Variants in SETD3 observed in about 807,000 individuals in gnomAD.
SETD3 encodes SET domain containing 3, actin N3(tau)-histidine methyltransferase, also known as actin-histidine N-methyltransferase.
SETD3 carries 19 observed loss-of-function variants against 63.0 expected under a neutral mutation model. That is an observed-to-expected ratio of 0.30 (90% confidence interval 0.21 to 0.44). SETD3 has a LOEUF of 0.44. SETD3 is among the 20% of genes least tolerant of loss of function. The pLI, the probability that SETD3 is intolerant of heterozygous loss-of-function variation, is 1.00. For synonymous variants in SETD3, 286 were observed against 264.1 expected, an observed-to-expected ratio of 1.08 and a Z score of -0.80; for missense variants, 587 against 728.5, an observed-to-expected ratio of 0.81 and a Z score of 2.24.
intron 10 of SETD3, 119 bp downstream of exon 10, chr14:99,405,086 A>C: frequency 7.2e-7 from 1 of 1,382,258 alleles, no homozygotes; most frequent in South Asian, 1.6e-5. Context: ...TGCCACGGGG[A>C]TAAACGGATT....
intron 6 of SETD3, among the ~76,000 whole-genome samples, chr14:99,435,626 C>G (rs1893435757): frequency 6.6e-6 from 1 of 152,168 alleles, no homozygotes; most frequent in Admixed American, 6.5e-5. Flanking sequence ...ACAGGAAGCT[C>G]TATTTGTAAA....
chr14:99,438,841 T>C (rs973912440), intron 6 of SETD3, among the ~76,000 whole-genome samples: 2 of 152,252 alleles, frequency 1.3e-5, no homozygotes, highest in African/African-American at 4.8e-5. Flanking sequence ...CAGGCCTTTC[T>C]GTTTCATCTT....
intron 1 of SETD3, among the ~76,000 whole-genome samples, chr14:99,467,196 C>T (rs1025218832): frequency 6.6e-6 from 1 of 152,126 alleles, no homozygotes; most frequent in African/African-American, 2.4e-5. Context: ...TATAATAAGT[C>T]TTCTAAAAAT....
chr14:99,422,894 C>T lies in SETD3; in HGVS notation c.676-8960G>A, dbSNP rs574718448. Among the ~76,000 whole-genome samples, 3 of 152,300 alleles carry T rather than the reference C, an allele frequency of 2.0e-5. No individual in the cohort carries two copies. In the East Asian group the frequency reaches 5.8e-4, roughly 29 times the overall value. On this transcript the variant is annotated intron_variant, in intron 6 of 12. Coordinates refer to ENST00000331768, the MANE Select transcript of SETD3 (RefSeq NM_032233.3). ...CAGTGTGCGGCTCTGTGGAGCCCCGCGGCCCCCAAGGCGCCTGGGGACAGA... is the reference window on the plus strand; with the variant it reads ...CAGTGTGCGGCTCTGTGGAGCCCCGTGGCCCCCAAGGCGCCTGGGGACAGA...
intron 1 of SETD3, among the ~76,000 whole-genome samples, chr14:99,475,455 C>A (rs1166898647): frequency 6.6e-6 from 1 of 152,260 alleles, no homozygotes; most frequent in African/African-American, 2.4e-5. Context: ...CTTTAGGCGG[C>A]CAGCAGAGCT....
At chr14:99,441,818 G>A (rs886461540) in intron 6 of SETD3, among the ~76,000 whole-genome samples, 1 of 152,208 alleles carries the variant, frequency 6.6e-6, no homozygotes, top group Non-Finnish European at 1.5e-5. Context: ...AGTCAGTGGG[G>A]AGACATGGAC....
At chr14:99,480,014 C>T (rs1408231323) in intron 1 of SETD3, among the ~76,000 whole-genome samples, 2 of 152,072 alleles carry the variant, frequency 1.3e-5, no homozygotes, top group African/African-American at 4.8e-5. Context: ...AGAGTTAACG[C>T]CGGAATGACA....
At chr14:99,400,946 C>T (rs1230649133) in intron 11 of SETD3, among the ~76,000 whole-genome samples, 1 of 152,098 alleles carries the variant, frequency 6.6e-6, no homozygotes, top group Non-Finnish European at 1.5e-5. Flanking sequence ...TTGAGACCAA[C>T]CTGGGCAATG....
rs1029695589 is a variant in SETD3 at position 99,415,020 on chromosome 14, G to A, written c.676-1086C>T. ...GGATGAGGTAAAAGTAGCTAAAACC[G>A]TAAATCAATTAGAAAACAAAAGCTT... On this transcript the variant is annotated intron_variant, in intron 6 of 12. Coordinates refer to ENST00000331768, the MANE Select transcript of SETD3 (RefSeq NM_032233.3). Among the ~76,000 whole-genome samples the A allele has an allele frequency of 5.3e-5, 8 of 152,152 alleles. 1 individual carries two copies. Among genetic ancestry groups the A allele is most frequent in the Admixed American group, 2.6e-4 (4 of 15,278 alleles).
At chr14:99,439,296 C>G (rs1893658883) in intron 6 of SETD3, among the ~76,000 whole-genome samples, 1 of 152,236 alleles carries the variant, frequency 6.6e-6, no homozygotes, top group Admixed American at 6.5e-5. Flanking sequence ...CAGACTGCTG[C>G]TGACCTATTT....
chr14:99,428,105 C>A (rs1892982053), intron 6 of SETD3, among the ~76,000 whole-genome samples: 1 of 152,216 alleles, frequency 6.6e-6, no homozygotes, highest in Non-Finnish European at 1.5e-5. Context: ...TGAGGCCCTG[C>A]AGAGGGTGGC....
In SETD3 at chr14:99,406,520, T is replaced by G; in HGVS notation, c.920A>C (p.Glu307Ala). The G allele has an allele frequency of 6.2e-7, 1 of 1,614,154 alleles. No individual in the cohort carries two copies. The highest frequency in any genetic ancestry group is 8.5e-7 in the Non-Finnish European group (1 of 1,180,026). ...CVALQDFRAG[E>A]QIYIFYGTRS... ...GTGAGATGCCACGAGACCCACCTGC[T>G]CTCCAGCCCGAAAATCCTGCAGAGC... Residue 307 changes from glutamate to alanine, a missense_variant, in exon 9 of 13, where the codon GAG (glutamate) becomes GCG (alanine). Glu to Ala is a moderately radical substitution (Grantham distance 107). Coordinates refer to ENST00000331768, the MANE Select transcript of SETD3 (RefSeq NM_032233.3).
chr14:99,473,906 T>C (rs1450973022), intron 1 of SETD3, among the ~76,000 whole-genome samples: 7 of 152,238 alleles, frequency 4.6e-5, no homozygotes, highest in East Asian at 1.9e-4. Flanking sequence ...CTGAAACTTA[T>C]ACATATCAGA....
chr14:99,439,264 A>G (rs1893656669), intron 6 of SETD3, among the ~76,000 whole-genome samples: 1 of 152,148 alleles, frequency 6.6e-6, no homozygotes. Context: ...TCTTCCATAC[A>G]TGCCCTTCTC....
chr14:99,410,546 G>A (rs963747471), intron 8 of SETD3, among the ~76,000 whole-genome samples: 7 of 152,124 alleles, frequency 4.6e-5, no homozygotes, highest in Non-Finnish European at 8.8e-5. Context: ...AAGTATCCTT[G>A]TCATATCAAC....
chr14:99,426,572 T>G (rs1265104277), intron 6 of SETD3, among the ~76,000 whole-genome samples: 2 of 152,208 alleles, frequency 1.3e-5, no homozygotes, highest in African/African-American at 2.4e-5. Flanking sequence ...CTGCTGGACC[T>G]GGCAAACAGA....
In SETD3 at chr14:99,405,146, T is replaced by C. The variant is rs531541063; in HGVS notation, c.1091+59A>G. Reference sequence around the variant, plus strand: ...TTATTAACACACCAATTAAACACTATGCAACTGGAAATAGTTCAAGTACTG... The same window carrying C: ...TTATTAACACACCAATTAAACACTACGCAACTGGAAATAGTTCAAGTACTG... On this transcript the variant is annotated intron_variant, in intron 10 of 12. Coordinates refer to ENST00000331768, the MANE Select transcript of SETD3 (RefSeq NM_032233.3). 9 of 1,559,970 alleles carry C rather than the reference T, an allele frequency of 5.8e-6. No homozygotes were observed. The African/African-American group carries it at 1.1e-4, about 19-fold the overall frequency.
intron 1 of SETD3, among the ~76,000 whole-genome samples, chr14:99,466,774 T>G (rs1016652854): frequency 2.0e-5 from 3 of 152,122 alleles, no homozygotes; most frequent in Non-Finnish European, 2.9e-5. Flanking sequence ...GGAGTCTGGC[T>G]TTGATTCTCC....
chr14:99,453,582 T>C (rs1894583889), intron 6 of SETD3, among the ~76,000 whole-genome samples: 1 of 152,108 alleles, frequency 6.6e-6, no homozygotes, highest in Non-Finnish European at 1.5e-5. Context: ...CCCAGCACTT[T>C]GGGAGGCCGA....
Sources: allele counts gnomAD v4.1 joint callset (sites outside exome capture counted in the v4.1 genomes callset), GRCh38; gene constraint gnomAD v4.1.1; transcripts MANE v1.5; gene names NCBI Gene and HGNC (gene_info 2026-07-23, HGNC 2026-07-21).